The following ZGRF1 variants were observed in gnomAD, a reference collection of about 807,000 sequenced individuals.
ZGRF1 encodes the protein 5'-3' DNA helicase ZGRF1.
ZGRF1 carries 196 observed loss-of-function variants against 203.5 expected under a neutral mutation model. The ratio of observed to expected loss-of-function variants is 0.96; its 90% CI spans 0.86 to 1.08. The LOEUF is 1.08. Among genes scored for constraint, ZGRF1 ranks in the 50% least tolerant of loss-of-function variants. The pLI is 0.00. For missense variants in ZGRF1, 2,326 were observed against 2,416.3 expected (o/e 0.96, Z 0.78); for synonymous variants, 809 against 841.3 (o/e 0.96, Z 0.66).
Position 112,566,638 on chromosome 4 carries a change from T to A in ZGRF1, c.4439-3364A>T, listed in dbSNP as rs564004506. On this transcript the variant is annotated intron_variant, in intron 16 of 27. Transcript: ENST00000505019. ...TAGGGGATTCCTGATTCTGGTGTCA[T>A]CTAAGATGCTGAATTAGTATGATTG... 1.1e-4 allele frequency among the ~76,000 whole-genome samples: 17 copies of A among 152,252 alleles called. No individual in the cohort carries two copies. In the South Asian group the frequency reaches 3.5e-3, roughly 32 times the overall value.
Position 112,539,886 on chromosome 4 carries a change from C to G in ZGRF1, c.6149G>C (p.Gly2050Ala). ...LACLRKNQLW[G>A]RVIQHCEGRE... Reference sequence around the variant, plus strand: ...ACCTTCGCAGTGTTGGATCACTCGTCCCCAAAGTTGATTTTTCCTCAAACA... The same window carrying G: ...ACCTTCGCAGTGTTGGATCACTCGTGCCCAAAGTTGATTTTTCCTCAAACA... The change falls in exon 27 of 28, where the codon GGA becomes GCA. Residue 2050 changes from glycine to alanine, a missense_variant. By Grantham distance (60) the Gly-to-Ala change is moderately conservative. Coordinates refer to ENST00000505019, the MANE Select transcript of ZGRF1 (RefSeq NM_018392.5). 6.2e-7 allele frequency: 1 copy of G among 1,613,834 alleles called. No individual in the cohort carries two copies. The highest frequency in any genetic ancestry group is 1.7e-5 in the Admixed American group (1 of 60,006).
At position 112,610,949 on chromosome 4, in the gene ZGRF1, C is replaced by CA. The variant is rs1259144130; in HGVS notation, c.2668-1521dup. 3.1e-5 allele frequency: 9 copies of CA among 286,440 alleles called. No homozygotes were observed. In the East Asian group the frequency reaches 4.2e-4, roughly 13 times the overall value. 17.7% of individuals were successfully genotyped at this position (286,440 alleles called of 1,614,324 possible). On this transcript the variant is annotated intron_variant, in intron 7 of 27. Transcript: ENST00000505019. ...TCTAACCATTTTTTTTAACTGGACA[C>CA]AAAAAAATCTGGAAACATTAATAAA...
chr4:112,539,545 T>A lies in ZGRF1; in HGVS notation c.*2A>T, dbSNP rs1458027329. On this transcript the variant is annotated 3_prime_UTR_variant, in exon 28 of 28. Transcript: ENST00000505019. ...AATACAAAATATTTACACCATGTCT[T>A]TTTATGAATGAGATTTATCTTTAGA... is the stretch of plus-strand genomic sequence containing the variant. The A allele has an allele frequency of 7.7e-7, 1 of 1,304,204 alleles. No individual in the cohort carries two copies. Among genetic ancestry groups the A allele is most frequent in the East Asian group, 2.5e-5 (1 of 39,808 alleles). 80.8% of individuals were successfully genotyped at this position (1,304,204 alleles called of 1,614,324 possible).
In ZGRF1 at chr4:112,587,552, C is replaced by A. The variant is rs1747409045; in HGVS notation, c.3505G>T (p.Asp1169Tyr). 6.2e-7 allele frequency: 1 copy of A among 1,613,784 alleles called. No individual in the cohort carries two copies. Among genetic ancestry groups the A allele is most frequent in the Non-Finnish European group, 8.5e-7 (1 of 1,179,872 alleles). ...TPNRVDKRIT[D>Y]GFFAEAVSGM... The stretch of plus-strand genomic sequence containing the variant: ...GAAACAGCCTCAGCAAAGAAGCCAT[C>A]AGTTATTCTCTTATCAACTCTGTTT... Residue 1169 changes from aspartate (D) to tyrosine (Y), a missense_variant, in exon 12 of 28, where the codon GAT (aspartate) becomes TAT (tyrosine). Physicochemically the swap from Asp to Tyr is radical, Grantham distance 160. Transcript: ENST00000505019.
intron 3 of ZGRF1, among the ~76,000 whole-genome samples, chr4:112,628,170 C>T (rs907634932): frequency 5.9e-5 from 9 of 152,166 alleles, no homozygotes; most frequent in Non-Finnish European, 1.0e-4. Context: ...AGATAAAAGT[C>T]CCTTGAAGAC....
intron 10 of ZGRF1, among the ~76,000 whole-genome samples, chr4:112,600,708 G>C (rs1036263923): frequency 5.3e-5 from 8 of 152,082 alleles, no homozygotes; most frequent in African/African-American, 1.7e-4. Flanking sequence ...AATGTGTGTA[G>C]ACTTGCTGGC....
chr4:112,608,912 AAT>A (rs1171124929), intron 8 of ZGRF1, among the ~76,000 whole-genome samples: 1 of 152,212 alleles, frequency 6.6e-6, no homozygotes, highest in Non-Finnish European at 1.5e-5. Flanking sequence ...TATTTAACCA[AAT>A]TATATTGATC....
At chr4:112,596,189 T>C (rs1748977871) in intron 10 of ZGRF1, among the ~76,000 whole-genome samples, 1 of 152,196 alleles carries the variant, frequency 6.6e-6, no homozygotes, top group African/African-American at 2.4e-5. Context: ...ACTCCATCTT[T>C]GATGAAACTA....
chr4:112,539,649 T>C lies in ZGRF1; in HGVS notation c.6213A>G (p.Pro2071=), dbSNP rs1737142367. 1.9e-6 allele frequency: 3 copies of C among 1,606,624 alleles called. No homozygotes were observed. The highest frequency in any genetic ancestry group is 2.2e-5 in the East Asian group (1 of 44,850). ...AATCTTTAAGGAGATGGTTCAGCTG[T>C]GGTTCATACTGGTTTGCATGTTGCA... ...DGLQHANQYE[P]QLNHLLKDYF... Residue 2071 remains proline (P), a synonymous_variant, in exon 28 of 28, where the codon CCA becomes CCG. Coordinates refer to ENST00000505019, the MANE Select transcript of ZGRF1 (RefSeq NM_018392.5).
At chr4:112,547,962 C>T (rs781203909) in intron 23 of ZGRF1, among the ~76,000 whole-genome samples, 6 of 151,512 alleles carry the variant, frequency 4.0e-5, no homozygotes, top group African/African-American at 9.7e-5. Context: ...TTTTTTGAGA[C>T]GGGGTTTTAC....
At chr4:112,561,165 G>A (rs892609966) in intron 18 of ZGRF1, 170 bp from the exon 19 acceptor site, 16 of 602,548 alleles carry the variant, frequency 2.7e-5, no homozygotes, top group Non-Finnish European at 3.2e-5. Flanking sequence ...CTCCAATATC[G>A]AGGAGGGTAG....
At chr4:112,631,838 T>A (rs1053420346) in intron 3 of ZGRF1, 92 bp downstream of exon 3, 2 of 578,052 alleles carry the variant, frequency 3.5e-6, no homozygotes, top group African/African-American at 3.8e-5. Flanking sequence ...TATGGATATA[T>A]CTGACATTTT....
intron 6 of ZGRF1, 49 bp from the exon 7 acceptor site, chr4:112,612,637 C>T: frequency 4.2e-6 from 5 of 1,190,712 alleles, no homozygotes; most frequent in Non-Finnish European, 4.9e-6. Context: ...TATAGCAGTA[C>T]TCTAAAATTT....
chr4:112,568,434 G>A (rs1332250003), intron 16 of ZGRF1, among the ~76,000 whole-genome samples: 1 of 152,150 alleles, frequency 6.6e-6, no homozygotes, highest in Admixed American at 6.5e-5. Context: ...GTGCCGGCCA[G>A]GTGTGGTGGC....
At chr4:112,631,745 T>C (rs1452169780) in intron 3 of ZGRF1, among the ~76,000 whole-genome samples, 185 bp downstream of exon 3, 1 of 152,246 alleles carries the variant, frequency 6.6e-6, no homozygotes, top group African/African-American at 2.4e-5. Context: ...GTTCTATCTA[T>C]TAATGAACTA....
Position 112,539,510 on chromosome 4 carries a change from A to AT in ZGRF1, c.*36_*37insA. 1 of 1,044,400 alleles carries AT rather than the reference A, an allele frequency of 9.6e-7. No homozygotes were observed. Among genetic ancestry groups the AT allele is most frequent in the Non-Finnish European group, 1.4e-6 (1 of 710,050 alleles). 64.7% of individuals were successfully genotyped at this position (1,044,400 alleles called of 1,614,324 possible). On this transcript the variant is annotated 3_prime_UTR_variant, in exon 28 of 28. Transcript: ENST00000505019. ...AAATATATCATGTAAAATGAGTCTGAATTTACATAAATACAAAATATTTAC... is the reference window on the plus strand; with the variant it reads ...AAATATATCATGTAAAATGAGTCTGATATTTACATAAATACAAAATATTTAC...
chr4:112,612,133 T>G (rs2046703713), intron 7 of ZGRF1, among the ~76,000 whole-genome samples: 1 of 152,130 alleles, frequency 6.6e-6, no homozygotes, highest in Non-Finnish European at 1.5e-5. Context: ...GCCTGGCTAA[T>G]TTTTGTGTTT....
chr4:112,552,837 G>A (rs995969418), intron 22 of ZGRF1, among the ~76,000 whole-genome samples: 26 of 152,310 alleles, frequency 1.7e-4, no homozygotes, highest in Non-Finnish European at 3.5e-4. Flanking sequence ...GCTTGGCCGT[G>A]TGACCTGTGC....
At chr4:112,636,064 G>GA (rs2047615604) in intron 1 of ZGRF1, among the ~76,000 whole-genome samples, 1 of 152,024 alleles carries the variant, frequency 6.6e-6, no homozygotes, top group Admixed American at 6.6e-5. Context: ...GTATTAATCA[G>GA]AAAAAATTAT....
Sources: gnomAD v4.1 joint callset for allele counts (sites outside exome capture counted in the v4.1 genomes callset) on GRCh38, gnomAD v4.1.1 for gene constraint, MANE v1.5 for transcripts, NCBI Gene and HGNC (gene_info 2026-07-23, HGNC 2026-07-21) for gene names.